The following CATSPERT variants were observed in gnomAD, a reference collection of about 807,000 sequenced individuals.
The protein encoded by CATSPERT is cation channel sperm-associated targeting subunit tau.
the CATSPERT span, among the ~76,000 whole-genome samples, chr2:201,534,084 C>CTATCTATA: frequency 8.9e-5 from 13 of 145,986 alleles, no homozygotes; most frequent in African/African-American, 2.8e-4. Context: ...ATCTATCTAT[C>CTATCTATA]TATCAAATCT....
chr2:201,505,278 A>G, the CATSPERT span, among the ~76,000 whole-genome samples: 1 of 152,078 alleles, frequency 6.6e-6, no homozygotes, highest in East Asian at 1.9e-4. Flanking sequence ...AGGAGGTTTC[A>G]CCACGTTGGC....
At chr2:201,491,523 ATTG>A in the CATSPERT span, 172 of 1,535,768 alleles carry the variant, frequency 1.1e-4, no homozygotes, top group South Asian at 6.1e-4. Flanking sequence ...GCTTTTTATT[ATTG>A]TTATTATTTC....
the CATSPERT span, among the ~76,000 whole-genome samples, chr2:201,580,836 A>G: frequency 6.6e-6 from 1 of 152,342 alleles, no homozygotes; most frequent in South Asian, 2.1e-4. Context: ...ACAAGAGGGA[A>G]GCAACCATAA....
chr2:201,615,045 G>T, the CATSPERT span, among the ~76,000 whole-genome samples: 1 of 152,186 alleles, frequency 6.6e-6, no homozygotes, highest in Admixed American at 6.5e-5. Flanking sequence ...GGAGCACCCA[G>T]ATTCATAAAG....
the CATSPERT span, among the ~76,000 whole-genome samples, chr2:201,549,373 C>T: frequency 6.6e-6 from 1 of 151,880 alleles, no homozygotes; most frequent in Non-Finnish European, 1.5e-5. Context: ...GAAGGCTTCA[C>T]TTCAAAATGG....
chr2:201,583,390 G>A, the CATSPERT span, among the ~76,000 whole-genome samples: 1 of 152,216 alleles, frequency 6.6e-6, no homozygotes, highest in African/African-American at 2.4e-5. Context: ...CTGCTGAGTA[G>A]AACGGAGTGT....
chr2:201,610,099 A>T, the CATSPERT span, among the ~76,000 whole-genome samples: 1 of 152,218 alleles, frequency 6.6e-6, no homozygotes, highest in Non-Finnish European at 1.5e-5. Flanking sequence ...ACCAATATTG[A>T]CTTAGGAAGA....
At chr2:201,579,857 T>C in the CATSPERT span, among the ~76,000 whole-genome samples, 981 of 150,606 alleles carry the variant, frequency 6.5e-3, 7 homozygotes, top group African/African-American at 0.022. Context: ...CTTTTTCTTT[T>C]TTTTTTTTTT....
chr2:201,533,396 G>T, the CATSPERT span, among the ~76,000 whole-genome samples: 1 of 152,188 alleles, frequency 6.6e-6, no homozygotes, highest in Admixed American at 6.5e-5. Flanking sequence ...GCAAGGCCAA[G>T]AACTTCAGAA....
the CATSPERT span, among the ~76,000 whole-genome samples, chr2:201,539,572 T>A: frequency 1.5e-5 from 2 of 133,500 alleles, no homozygotes; most frequent in East Asian, 4.6e-4. Flanking sequence ...TTTTTTTTTG[T>A]TTTTGGTTTT....
the CATSPERT span, among the ~76,000 whole-genome samples, chr2:201,559,833 A>G: frequency 1.3e-5 from 2 of 152,210 alleles, no homozygotes; most frequent in Non-Finnish European, 2.9e-5. Context: ...TGACTTTTCC[A>G]TCAGATGCAT....
At chr2:201,575,520 A>C in the CATSPERT span, among the ~76,000 whole-genome samples, 1 of 152,140 alleles carries the variant, frequency 6.6e-6, no homozygotes, top group Non-Finnish European at 1.5e-5. Flanking sequence ...GCCACTTCTC[A>C]TCACTCACAT....
chr2:201,589,462 C>G, the CATSPERT span, among the ~76,000 whole-genome samples: 1 of 152,110 alleles, frequency 6.6e-6, no homozygotes, highest in Non-Finnish European at 1.5e-5. Flanking sequence ...ACACCTACAA[C>G]TATCTGATCT....
chr2:201,545,401 A>G, the CATSPERT span: 1 of 565,878 alleles, frequency 1.8e-6, no homozygotes, highest in South Asian at 3.1e-5. Flanking sequence ...CACCTACCAT[A>G]TGCCAAAACT....
the CATSPERT span, among the ~76,000 whole-genome samples, chr2:201,531,127 A>AT: frequency 6.6e-6 from 1 of 151,546 alleles, no homozygotes; most frequent in Non-Finnish European, 1.5e-5. Context: ...CGCCCAGCTA[A>AT]TTTTTTGTTT....
the CATSPERT span, among the ~76,000 whole-genome samples, chr2:201,615,976 G>A: frequency 6.6e-6 from 1 of 151,998 alleles, no homozygotes; most frequent in African/African-American, 2.4e-5. Context: ...ATAAATTCCT[G>A]GACACATACA....
the CATSPERT span, among the ~76,000 whole-genome samples, chr2:201,593,451 A>G: frequency 1.3e-5 from 2 of 150,662 alleles, no homozygotes; most frequent in Non-Finnish European, 3.0e-5. Flanking sequence ...AAAAAAATGT[A>G]TATTCTGTTG....
chr2:201,535,856 G>T, the CATSPERT span: 2 of 1,486,360 alleles, frequency 1.3e-6, no homozygotes, highest in South Asian at 1.4e-5. Flanking sequence ...GCCTTCTTTT[G>T]GGTCTTGGCT....
the CATSPERT span, among the ~76,000 whole-genome samples, chr2:201,592,140 A>G: frequency 5.3e-5 from 8 of 152,258 alleles, no homozygotes; most frequent in Admixed American, 2.6e-4. Flanking sequence ...GATAGCTCTT[A>G]TTATTTTGAA....
Sources: allele counts gnomAD v4.1 joint callset (sites outside exome capture counted in the v4.1 genomes callset), GRCh38; gene constraint gnomAD v4.1.1; transcripts MANE v1.5; gene names NCBI Gene and HGNC (gene_info 2026-07-23, HGNC 2026-07-21).